The following MAPKAP1 variants were observed in gnomAD, a reference collection of about 807,000 sequenced individuals.
MAPKAP1 encodes the protein MAPK associated protein 1.
In MAPKAP1, 20 loss-of-function variants were observed where a neutral mutation model predicts 65.7. The observed-to-expected ratio is 0.30, with a 90% CI of 0.21 to 0.44. The LOEUF (loss-of-function observed/expected upper bound fraction) is 0.44. Ranked by LOEUF, MAPKAP1 falls within the 20% of genes least tolerant of loss-of-function variation. The probability of loss-of-function intolerance (pLI) is 1.00; values close to 1 mark genes in which losing one functional copy is unlikely to be tolerated. For missense variants in MAPKAP1, 423 were observed against 648.0 expected (o/e 0.65, Z 3.77); for synonymous variants, 222 against 244.3 (o/e 0.91, Z 0.85).
chr9:125,485,199 G>A (rs541081383), intron 8 of MAPKAP1, among the ~76,000 whole-genome samples: 1 of 152,300 alleles, frequency 6.6e-6, no homozygotes, highest in African/African-American at 2.4e-5. Flanking sequence ...TACTGACAGA[G>A]CCCCCACTGG....
intron 5 of MAPKAP1, among the ~76,000 whole-genome samples, chr9:125,581,507 A>G (rs915047951): frequency 6.6e-6 from 1 of 152,130 alleles, no homozygotes; most frequent in Non-Finnish European, 1.5e-5. Flanking sequence ...ATGTCTGTTT[A>G]TGCCTTTACC....
At chr9:125,486,339 G>C (rs1854499738) in intron 8 of MAPKAP1, among the ~76,000 whole-genome samples, 1 of 152,186 alleles carries the variant, frequency 6.6e-6, no homozygotes, top group South Asian at 2.1e-4. Context: ...AGTGCAGGGG[G>C]TAGAATGGGT....
chr9:125,564,709 G>A (rs1589291658), intron 5 of MAPKAP1, among the ~76,000 whole-genome samples: 1 of 152,294 alleles, frequency 6.6e-6, no homozygotes, highest in African/African-American at 2.4e-5. Flanking sequence ...ATTGCACAGT[G>A]CCTGCATGAA....
intron 6 of MAPKAP1, among the ~76,000 whole-genome samples, chr9:125,554,165 A>G (rs1009680543): frequency 6.6e-6 from 1 of 152,228 alleles, no homozygotes; most frequent in Non-Finnish European, 1.5e-5. Flanking sequence ...CAAGCTGCAT[A>G]CAGAACTTGT....
At chr9:125,570,584 T>C (rs1308753758) in intron 5 of MAPKAP1, among the ~76,000 whole-genome samples, 2 of 152,226 alleles carry the variant, frequency 1.3e-5, no homozygotes, top group African/African-American at 4.8e-5. Context: ...AAAATAAAAG[T>C]TGCTAAGAGT....
At chr9:125,621,339 G>A (rs1832893487) in intron 4 of MAPKAP1, among the ~76,000 whole-genome samples, 1 of 151,822 alleles carries the variant, frequency 6.6e-6, no homozygotes, top group Admixed American at 6.6e-5. Context: ...ACTTCATGGT[G>A]GACATGTACT....
intron 4 of MAPKAP1, among the ~76,000 whole-genome samples, chr9:125,608,745 C>T (rs1226012424): frequency 6.6e-6 from 1 of 152,114 alleles, no homozygotes; most frequent in East Asian, 1.9e-4. Flanking sequence ...TGAGAGGAGC[C>T]CAAACCGGCT....
At chr9:125,459,207 T>G (rs1233595874) in intron 10 of MAPKAP1, among the ~76,000 whole-genome samples, 1 of 142,494 alleles carries the variant, frequency 7.0e-6, no homozygotes, top group Non-Finnish European at 1.5e-5. Context: ...TCCCCACATC[T>G]CAGACGATGG....
intron 2 of MAPKAP1, among the ~76,000 whole-genome samples, chr9:125,671,111 A>T (rs1249333793): frequency 2.0e-5 from 3 of 152,216 alleles, no homozygotes; most frequent in Non-Finnish European, 4.4e-5. Flanking sequence ...TCTCCCACTG[A>T]AATACATTCA....
chr9:125,485,622 C>T (rs1371116713), intron 8 of MAPKAP1, among the ~76,000 whole-genome samples: 3 of 152,166 alleles, frequency 2.0e-5, no homozygotes, highest in African/African-American at 4.8e-5. Context: ...TCATGTGCTG[C>T]CCTTGGCCTA....
At chr9:125,491,534 C>T (rs116928978) in intron 8 of MAPKAP1, among the ~76,000 whole-genome samples, 3,059 of 152,066 alleles carry the variant, frequency 0.02, 166 homozygotes, top group East Asian at 0.14. Flanking sequence ...CCCGGCACTT[C>T]TGGAGGCCAA....
intron 7 of MAPKAP1, among the ~76,000 whole-genome samples, chr9:125,512,447 A>C (rs1829328665): frequency 6.6e-6 from 1 of 152,138 alleles, no homozygotes; most frequent in Admixed American, 6.5e-5. Context: ...CTCAGCACTA[A>C]ATGTTCGTGT....
At chr9:125,549,224 G>A (rs1830514416) in intron 6 of MAPKAP1, among the ~76,000 whole-genome samples, 1 of 152,208 alleles carries the variant, frequency 6.6e-6, no homozygotes, top group South Asian at 2.1e-4. Context: ...AAAAGCCACA[G>A]TCTCAGTTTG....
At chr9:125,471,201 CCT>C (rs1232755017) in intron 9 of MAPKAP1, 1 of 152,346 alleles carries the variant, frequency 6.6e-6, no homozygotes, top group Non-Finnish European at 1.5e-5. Context: ...CGGGAGCAGC[CCT>C]CTTCCTGAGC....
At chr9:125,449,558 G>A (rs983821472) in intron 10 of MAPKAP1, among the ~76,000 whole-genome samples, 14 of 152,178 alleles carry the variant, frequency 9.2e-5, no homozygotes, top group African/African-American at 3.1e-4. Context: ...GTACTGAAGT[G>A]AAAATCTGGA....
intron 4 of MAPKAP1, among the ~76,000 whole-genome samples, chr9:125,651,564 C>G (rs1001926382): frequency 5.3e-5 from 8 of 152,062 alleles, no homozygotes; most frequent in Admixed American, 2.6e-4. Context: ...TGAGATGGTG[C>G]GACTGCACTC....
At chr9:125,600,081 C>CA (rs1170571033) in intron 4 of MAPKAP1, among the ~76,000 whole-genome samples, 2 of 152,154 alleles carry the variant, frequency 1.3e-5, no homozygotes, top group Non-Finnish European at 2.9e-5. Flanking sequence ...TTGGTTTAAA[C>CA]AATCTGTTAT....
intron 8 of MAPKAP1, among the ~76,000 whole-genome samples, chr9:125,499,928 A>G (rs1034031078): frequency 2.0e-5 from 3 of 152,168 alleles, no homozygotes; most frequent in Non-Finnish European, 4.4e-5. Flanking sequence ...TCAAGGCTGC[A>G]GTGAGCTGTG....
intron 4 of MAPKAP1, among the ~76,000 whole-genome samples, chr9:125,589,601 T>C (rs1831893443): frequency 6.6e-6 from 1 of 152,184 alleles, no homozygotes; most frequent in Non-Finnish European, 1.5e-5. Context: ...TGCGGTTCCA[T>C]CTTTAACTCT....
Sources: allele counts gnomAD v4.1 joint callset (sites outside exome capture counted in the v4.1 genomes callset), GRCh38; gene constraint gnomAD v4.1.1; transcripts MANE v1.5; gene names NCBI Gene and HGNC (gene_info 2026-07-23, HGNC 2026-07-21).